GNS: variants seen among roughly 807,000 people sequenced by gnomAD.
GNS encodes glucosamine (N-acetyl)-6-sulfatase.
A neutral mutation model predicts 69.7 loss-of-function variants in GNS; 40 were observed. The observed-to-expected ratio is 0.57, with a 90% CI of 0.45 to 0.75. GNS has a LOEUF of 0.75. GNS is among the 30% of genes least tolerant of loss of function. The probability of loss-of-function intolerance (pLI) is 0.00; values close to 1 mark genes in which losing one functional copy is unlikely to be tolerated. For missense variants in GNS, 565 were observed against 685.5 expected (o/e 0.82, Z 1.96); for synonymous variants, 243 against 251.6 (o/e 0.97, Z 0.32).
intron 2 of GNS, among the ~76,000 whole-genome samples, chr12:64,750,742 A>T (rs1187019835): frequency 2.6e-5 from 4 of 151,880 alleles, no homozygotes; most frequent in Non-Finnish European, 5.9e-5. Context: ...GTCACTAAAA[A>T]AAAGTGGAAA....
At chr12:64,743,658 A>G (rs1330926919) in intron 5 of GNS, among the ~76,000 whole-genome samples, 1 of 152,240 alleles carries the variant, frequency 6.6e-6, no homozygotes, top group African/African-American at 2.4e-5. Context: ...GTGATGCCTT[A>G]AAGAATGTAA....
Position 64,759,214 on chromosome 12 carries a change from G to A in GNS, c.63C>T (p.Ser21=). The change falls in exon 1 of 14, where the codon TCC becomes TCT. Residue 21 remains serine, a synonymous_variant. Coordinates refer to ENST00000258145, the MANE Select transcript of GNS (RefSeq NM_002076.4). ...LRRGSPRHLP[S]CSPALLLLVL... is the part of the protein sequence containing the mutation. ...CCAGCAGTAGCAGCGCTGGGCTGCA[G>A]GAGGGCAGGTGGCGGGGGCTGCCCC... The A allele has an allele frequency of 1.9e-6, 3 of 1,546,910 alleles. No individual in the cohort carries two copies. The highest frequency in any genetic ancestry group is 1.2e-5 in the South Asian group (1 of 83,880).
At chr12:64,750,593 A>C (rs1224937127) in intron 2 of GNS, among the ~76,000 whole-genome samples, 1 of 152,208 alleles carries the variant, frequency 6.6e-6, no homozygotes, top group Non-Finnish European at 1.5e-5. Flanking sequence ...CAACTAGAAT[A>C]AACATTTTAT....
intron 9 of GNS, among the ~76,000 whole-genome samples, chr12:64,732,056 G>T (rs574517834): frequency 6.6e-6 from 1 of 151,626 alleles, no homozygotes; most frequent in African/African-American, 2.4e-5. Flanking sequence ...GTGCGATCTC[G>T]GCTCACTGCA....
intron 6 of GNS, among the ~76,000 whole-genome samples, chr12:64,742,276 T>C (rs955375436): frequency 6.6e-6 from 1 of 152,200 alleles, no homozygotes; most frequent in African/African-American, 2.4e-5. Context: ...CGCCTTGGCC[T>C]CCCAAAGTGC....
intron 1 of GNS, among the ~76,000 whole-genome samples, 193 bp downstream of exon 1, chr12:64,758,892 G>A (rs1281112436): frequency 1.3e-5 from 2 of 152,194 alleles, no homozygotes; most frequent in African/African-American, 2.4e-5. Context: ...GTACGCATGT[G>A]CCTCAATCCA....
intron 1 of GNS, 109 bp downstream of exon 1, chr12:64,758,976 G>C: frequency 1.1e-6 from 1 of 943,664 alleles, no homozygotes; most frequent in Non-Finnish European, 1.7e-6. Flanking sequence ...CCTACCCAAG[G>C]ATAAGACAGC....
At chr12:64,750,268 G>A (rs1005546140) in intron 2 of GNS, among the ~76,000 whole-genome samples, 6 of 151,916 alleles carry the variant, frequency 3.9e-5, no homozygotes, top group South Asian at 4.2e-4. Context: ...GGCTGGTCTC[G>A]AACTCCTGAC....
chr12:64,743,108 G>A (rs774866086), intron 6 of GNS, 33 bp downstream of exon 6: 32 of 1,519,386 alleles, frequency 2.1e-5, no homozygotes, highest in Non-Finnish European at 2.6e-5. Flanking sequence ...ATGATACTTA[G>A]TATGGCTGAA....
At chr12:64,721,818 A>G in intron 11 of GNS, 113 bp from the exon 12 acceptor site, 1 of 736,072 alleles carries the variant, frequency 1.4e-6, no homozygotes, top group Non-Finnish European at 2.5e-6. Flanking sequence ...TTTGACAGCA[A>G]TTAGAAAACC....
At chr12:64,745,203 ACTTTTTTT>A (rs1257722015) in intron 4 of GNS, among the ~76,000 whole-genome samples, 3 of 108,570 alleles carry the variant, frequency 2.8e-5, no homozygotes, top group African/African-American at 1.1e-4. Context: ...AAGTCAATAG[ACTTTTTTT>A]TTTTTTTTTT....
chr12:64,747,689 A>G (rs1296666452), intron 3 of GNS, 23 bp downstream of exon 3: 1 of 1,263,172 alleles, frequency 7.9e-7, no homozygotes. Context: ...ATTATAAAAA[A>G]AGAAACAGAT....
intron 13 of GNS, 70 bp downstream of exon 13, chr12:64,719,952 C>A (rs1868973721): frequency 1.9e-6 from 2 of 1,029,596 alleles, no homozygotes; most frequent in Non-Finnish European, 1.5e-6. Flanking sequence ...AAAGGGCTCC[C>A]TTTGCCTTCA....
At chr12:64,749,277 C>T (rs565441466) in intron 2 of GNS, among the ~76,000 whole-genome samples, 23 of 90,308 alleles carry the variant, frequency 2.5e-4, no homozygotes, top group Admixed American at 4.6e-4. Flanking sequence ...TTTTGAGACA[C>T]ATTCTCGCTC....
Position 64,759,073 on chromosome 12 carries a change from CAG to C in GNS, c.192+10_192+11del, listed in dbSNP as rs1592514466. 6.4e-7 allele frequency: 1 copy of C among 1,554,200 alleles called. No homozygotes were observed. Among genetic ancestry groups the C allele is most frequent in the Non-Finnish European group, 8.7e-7 (1 of 1,147,468 alleles). On this transcript the variant is annotated intron_variant, in intron 1 of 13. Transcript: ENST00000258145. ...AAGAGATAGAGGGGCGGGGCAGAAA[CAG>C]AAGAGTTACCATGCCGCCGAGCACT...
At chr12:64,732,879 G>A (rs1392768734) in intron 9 of GNS, among the ~76,000 whole-genome samples, 2 of 152,154 alleles carry the variant, frequency 1.3e-5, no homozygotes, top group Non-Finnish European at 2.9e-5. Flanking sequence ...GATTACAGGC[G>A]TGAGCCACCA....
chr12:64,751,967 A>G (rs999875575), intron 2 of GNS, among the ~76,000 whole-genome samples: 2 of 151,774 alleles, frequency 1.3e-5, no homozygotes, highest in Non-Finnish European at 2.9e-5. Flanking sequence ...AAAAAAAAAA[A>G]AAAGAAGAAA....
intron 1 of GNS, among the ~76,000 whole-genome samples, chr12:64,758,349 A>G (rs1464807423): frequency 9.3e-6 from 1 of 107,756 alleles, no homozygotes; most frequent in African/African-American, 3.6e-5. Flanking sequence ...TTGGAGACGG[A>G]GTCTCGCTCT....
intron 1 of GNS, among the ~76,000 whole-genome samples, chr12:64,756,073 T>C (rs778473884): frequency 5.9e-5 from 9 of 152,192 alleles, no homozygotes; most frequent in Non-Finnish European, 1.3e-4. Context: ...AACAGTGTCC[T>C]GGCAAAATAA....
Sources: gnomAD v4.1 joint callset for allele counts (sites outside exome capture counted in the v4.1 genomes callset) on GRCh38, gnomAD v4.1.1 for gene constraint, MANE v1.5 for transcripts, NCBI Gene and HGNC (gene_info 2026-07-23, HGNC 2026-07-21) for gene names.